Variants in RBFOX1 observed in about 807,000 individuals in gnomAD.
RBFOX1 encodes the protein RNA binding protein fox-1 homolog 1.
RBFOX1 carries 8 observed loss-of-function variants against 57.7 expected under a neutral mutation model. The ratio of observed to expected loss-of-function variants is 0.14; its 90% CI spans 0.08 to 0.25. The LOEUF (loss-of-function observed/expected upper bound fraction) is 0.25. RBFOX1 is among the 10% of genes least tolerant of loss of function. RBFOX1 has a pLI of 1.00. For synonymous variants in RBFOX1, 326 were observed against 222.4 expected, an observed-to-expected ratio of 1.47 and a Z score of -4.15; for missense variants, 611 against 548.5, an observed-to-expected ratio of 1.11 and a Z score of -1.14.
chr16:7,223,838 G>A (rs1173869250), intron 4 of RBFOX1, among the ~76,000 whole-genome samples: 1 of 147,036 alleles, frequency 6.8e-6, no homozygotes, highest in African/African-American at 2.5e-5. Flanking sequence ...TTTTTTTTTG[G>A]TAGAAATAGC....
At chr16:5,507,660 A>G (rs2043424499) in intron 2 of RBFOX1, among the ~76,000 whole-genome samples, 1 of 152,254 alleles carries the variant, frequency 6.6e-6, no homozygotes, top group African/African-American at 2.4e-5. Flanking sequence ...AGATGAGGTC[A>G]TACTGGAGTG....
At chr16:5,834,053 A>T (rs183264506) in intron 3 of RBFOX1, among the ~76,000 whole-genome samples, 17 of 152,296 alleles carry the variant, frequency 1.1e-4, no homozygotes, top group South Asian at 1.0e-3. Flanking sequence ...CCTGGCACCA[A>T]ACCACTGCTC....
intron 4 of RBFOX1, among the ~76,000 whole-genome samples, chr16:7,242,373 A>G (rs186457351): frequency 2.0e-5 from 3 of 152,188 alleles, no homozygotes; most frequent in Non-Finnish European, 2.9e-5. Context: ...GTTGTGCCAC[A>G]TGACAGCTGT....
chr16:5,262,766 G>C (rs1395649976), intron 1 of RBFOX1, among the ~76,000 whole-genome samples: 2 of 152,234 alleles, frequency 1.3e-5, no homozygotes, highest in Admixed American at 6.5e-5. Context: ...CTGGGGTGCT[G>C]ATGGGGAGTT....
chr16:7,535,198 TA>T (rs1442016312), intron 5 of RBFOX1, among the ~76,000 whole-genome samples: 1 of 152,210 alleles, frequency 6.6e-6, no homozygotes, highest in African/African-American at 2.4e-5. Flanking sequence ...CACCGTAATG[TA>T]TTGGATTACT....
intron 3 of RBFOX1, among the ~76,000 whole-genome samples, chr16:6,776,530 A>C (rs2079389272): frequency 6.6e-6 from 1 of 152,146 alleles, no homozygotes; most frequent in South Asian, 2.1e-4. Flanking sequence ...CCTTGGCTAG[A>C]ATTACAGAGC....
chr16:5,543,792 C>T (rs1303011648), intron 2 of RBFOX1, among the ~76,000 whole-genome samples: 1 of 152,036 alleles, frequency 6.6e-6, no homozygotes, highest in African/African-American at 2.4e-5. Flanking sequence ...GAGGGAAAAA[C>T]AAGACAGATT....
At chr16:7,109,595 A>T (rs1420246782) in intron 4 of RBFOX1, among the ~76,000 whole-genome samples, 1 of 152,150 alleles carries the variant, frequency 6.6e-6, no homozygotes, top group Non-Finnish European at 1.5e-5. Context: ...TGCACAACCC[A>T]GGGATCACAA....
intron 3 of RBFOX1, among the ~76,000 whole-genome samples, chr16:6,672,217 A>G (rs1343997867): frequency 1.3e-5 from 2 of 152,204 alleles, no homozygotes; most frequent in East Asian, 1.9e-4. Flanking sequence ...GGTCATTGAA[A>G]TATAATCATT....
intron 3 of RBFOX1, among the ~76,000 whole-genome samples, chr16:6,842,320 G>C (rs1387437707): frequency 6.6e-6 from 1 of 152,010 alleles, no homozygotes; most frequent in African/African-American, 2.4e-5. Flanking sequence ...TCTGATCAGA[G>C]AAACAACACA....
intron 4 of RBFOX1, among the ~76,000 whole-genome samples, chr16:7,060,786 C>T (rs60832099): frequency 0.022 from 3,364 of 152,238 alleles, 116 homozygotes; most frequent in African/African-American, 0.076. Context: ...AGAATTCTCC[C>T]CTCACTTAAG....
rs549502879 is a variant in RBFOX1 at position 6,468,078 on chromosome 16, G to A, written c.-64+151021G>A. On this transcript the variant is annotated intron_variant, in intron 2 of 15. Transcript: ENST00000550418. ...GATGGATGGTTTGGGGGAATACGGA[G>A]TGGGGATGGTGATTTTTCTCTGCAC... Among the ~76,000 whole-genome samples the A allele has an allele frequency of 2.2e-3, 332 of 152,258 alleles. 1 individual carries two copies. The highest frequency in any genetic ancestry group is 7.7e-3 in the African/African-American group (318 of 41,550).
chr16:7,027,583 C>T (rs972712409), intron 3 of RBFOX1, among the ~76,000 whole-genome samples: 1 of 152,046 alleles, frequency 6.6e-6, no homozygotes, highest in Non-Finnish European at 1.5e-5. Flanking sequence ...GACTAATGTA[C>T]TTAGAAATAC....
intron 1 of RBFOX1, among the ~76,000 whole-genome samples, chr16:5,343,205 CATT>C (rs2065068589): frequency 6.6e-6 from 1 of 150,948 alleles, no homozygotes; most frequent in African/African-American, 2.4e-5. Flanking sequence ...TGTTTGGTGA[CATT>C]GTTGCTTGAT....
Position 6,043,135 on chromosome 16 carries a change from AAAAAAAAAAAAAAAAAAAAAAAAAAAAG to A in RBFOX1, c.-127+23145_-127+23172del, listed in dbSNP as rs1485116424. Among the ~76,000 whole-genome samples, 5 of 26,508 alleles carry A rather than the reference AAAAAAAAAAAAAAAAAAAAAAAAAAAAG, an allele frequency of 1.9e-4. No homozygotes were observed. The South Asian group carries it at 4.1e-3, about 22-fold the overall frequency. 17.4% of individuals were successfully genotyped at this position (26,508 alleles called of 152,430 possible). A position where few individuals can be genotyped will look rare whatever the true frequency, so the allele number is the denominator to read the frequency against. On this transcript the variant is annotated intron_variant, in intron 1 of 15. Coordinates refer to ENST00000550418, the MANE Select transcript of RBFOX1 (RefSeq NM_018723.4). ...TGTGTTTCCAGAAAAAAAAAAAAAA[AAAAAAAAAAAAAAAAAAAAAAAAAAAAG>A]ATAAGGGGCGTTGTGGAAACCAACA...
intron 3 of RBFOX1, among the ~76,000 whole-genome samples, chr16:6,811,676 A>G (rs113402813): frequency 6.6e-4 from 101 of 152,234 alleles, no homozygotes; most frequent in Non-Finnish European, 1.2e-3. Context: ...GATCATCTGA[A>G]GTCAGGAGTT....
chr16:7,559,368 T>C (rs1482597216), intron 5 of RBFOX1, among the ~76,000 whole-genome samples: 1 of 152,190 alleles, frequency 6.6e-6, no homozygotes, highest in Non-Finnish European at 1.5e-5. Context: ...CCTTTATATA[T>C]TCTCATAGAA....
intron 14 of RBFOX1, among the ~76,000 whole-genome samples, chr16:7,708,835 T>C (rs549840494): frequency 2.0e-5 from 3 of 152,204 alleles, no homozygotes; most frequent in Non-Finnish European, 4.4e-5. Context: ...TGTATATATG[T>C]ATTTATCTGT....
chr16:6,972,328 T>C (rs2085759095), intron 3 of RBFOX1, among the ~76,000 whole-genome samples: 1 of 152,162 alleles, frequency 6.6e-6, no homozygotes, highest in Non-Finnish European at 1.5e-5. Context: ...CTACCTTGTA[T>C]CGGTGGAATT....
Sources: allele counts gnomAD v4.1 joint callset (sites outside exome capture counted in the v4.1 genomes callset), GRCh38; gene constraint gnomAD v4.1.1; transcripts MANE v1.5; gene names NCBI Gene and HGNC (gene_info 2026-07-23, HGNC 2026-07-21).